Variants in SPPL3 observed in about 807,000 individuals in gnomAD.
The protein encoded by SPPL3 is signal peptide peptidase like 3.
In SPPL3, 5 loss-of-function variants were observed where a neutral mutation model predicts 42.4. That is an observed-to-expected ratio of 0.12 (90% CI 0.06 to 0.25). SPPL3 has a LOEUF of 0.25. Among genes scored for constraint, SPPL3 ranks in the 10% least tolerant of loss-of-function variants. The pLI, the probability that SPPL3 is intolerant of heterozygous loss-of-function variation, is 1.00. For missense variants in SPPL3, 235 were observed against 489.0 expected, an observed-to-expected ratio of 0.48 and a Z score of 4.90; for synonymous variants, 195 against 181.8, an observed-to-expected ratio of 1.07 and a Z score of -0.58.
chr12:120,883,259 C>T (rs571930546), intron 1 of SPPL3, among the ~76,000 whole-genome samples: 1 of 148,024 alleles, frequency 6.8e-6, no homozygotes, highest in East Asian at 2.1e-4. Context: ...GAGCCGAGAT[C>T]GCACCACTGC....
chr12:120,851,842 G>A (rs1473897138), intron 1 of SPPL3, among the ~76,000 whole-genome samples: 2 of 152,106 alleles, frequency 1.3e-5, no homozygotes, highest in African/African-American at 4.8e-5. Context: ...GGGCTCAAGC[G>A]ATCTGCCCGC....
At chr12:120,780,904 C>A (rs1370818491) in intron 6 of SPPL3, among the ~76,000 whole-genome samples, 2 of 152,034 alleles carry the variant, frequency 1.3e-5, no homozygotes, top group African/African-American at 4.8e-5. Flanking sequence ...AAGCGAAACT[C>A]CCTCCCCCAA....
chr12:120,850,622 A>G (rs1024089083), intron 1 of SPPL3, among the ~76,000 whole-genome samples: 2 of 152,290 alleles, frequency 1.3e-5, no homozygotes, highest in Middle Eastern at 3.4e-3. Context: ...TCCCTTTTTA[A>G]ATGTGAGTAA....
intron 1 of SPPL3, among the ~76,000 whole-genome samples, chr12:120,849,931 A>G (rs1257625504): frequency 1.3e-5 from 2 of 152,334 alleles, no homozygotes; most frequent in South Asian, 2.1e-4. Context: ...ACAAGGACTC[A>G]GTAAAAATAA....
At chr12:120,780,144 G>C (rs993884470) in intron 6 of SPPL3, among the ~76,000 whole-genome samples, 5 of 151,244 alleles carry the variant, frequency 3.3e-5, no homozygotes, top group Admixed American at 2.0e-4. Flanking sequence ...GCCCAGGCTG[G>C]TCTTGAACTC....
intron 1 of SPPL3, among the ~76,000 whole-genome samples, chr12:120,824,433 T>C (rs1035980904): frequency 3.9e-5 from 6 of 152,230 alleles, no homozygotes; most frequent in African/African-American, 1.2e-4. Flanking sequence ...GCTTGTGTTC[T>C]TCAGTCGGAT....
chr12:120,812,629 A>T (rs1170871961), intron 1 of SPPL3, among the ~76,000 whole-genome samples: 2 of 152,216 alleles, frequency 1.3e-5, no homozygotes, highest in Non-Finnish European at 2.9e-5. Flanking sequence ...CCAAATTGAA[A>T]GATCAGGTAG....
chr12:120,874,330 G>A (rs763003397), intron 1 of SPPL3, among the ~76,000 whole-genome samples: 2 of 151,586 alleles, frequency 1.3e-5, no homozygotes, highest in Non-Finnish European at 2.9e-5. Context: ...ATGGGTGCCT[G>A]TAGTCCCAGA....
intron 2 of SPPL3, among the ~76,000 whole-genome samples, chr12:120,803,482 T>C (rs541292913): frequency 5.9e-5 from 9 of 152,158 alleles, no homozygotes; most frequent in African/African-American, 1.7e-4. Context: ...GAAAAGCAAA[T>C]TGGAATTTTT....
rs1276382712 is a variant in SPPL3 at position 120,768,214 on chromosome 12, AT to A, written c.773+110del. The A allele has an allele frequency of 1.7e-5, 23 of 1,338,586 alleles. No individual in the cohort carries two copies. The African/African-American group carries it at 3.4e-4, about 20-fold the overall frequency. 82.9% of individuals were successfully genotyped at this position (1,338,586 alleles called of 1,614,324 possible). A position where few individuals can be genotyped will look rare whatever the true frequency, so the allele number is the denominator to read the frequency against. On this transcript the variant is annotated intron_variant, in intron 8 of 10. Coordinates refer to ENST00000353487, the MANE Select transcript of SPPL3 (RefSeq NM_139015.5). ...TCATTTCCTCTTCTGCAGCATGGAG[AT>A]AATGGCCCCAGGTTGGGATCAGAAT...
intron 1 of SPPL3, among the ~76,000 whole-genome samples, chr12:120,823,221 G>A (rs1315337371): frequency 1.2e-5 from 1 of 86,258 alleles, no homozygotes; most frequent in South Asian, 4.1e-4. Flanking sequence ...GGGGTGGGGG[G>A]TGGGGGGGCG....
Position 120,779,820 on chromosome 12 carries a change from C to CAAAAAAA in SPPL3, c.502+2828_502+2834dup, listed in dbSNP as rs1164272443. 1.4e-3 allele frequency among the ~76,000 whole-genome samples: 58 copies of CAAAAAAA among 42,772 alleles called. 5 individuals are homozygous for CAAAAAAA. Among genetic ancestry groups the CAAAAAAA allele is most frequent in the African/African-American group, 3.5e-3 (40 of 11,446 alleles). The allele number at this position is 42,772 out of a possible 152,430, so 28.1% of individuals were successfully genotyped here. A position where few individuals can be genotyped will look rare whatever the true frequency, so the allele number is the denominator to read the frequency against. ...CGAAACCTTGTCTCTACTAAAAATA[C>CAAAAAAA]AAAAAAAAAAAAAAAAAAAAAAAAA... On this transcript the variant is annotated intron_variant, in intron 6 of 10. Coordinates refer to ENST00000353487, the MANE Select transcript of SPPL3 (RefSeq NM_139015.5).
At chr12:120,781,725 GCC>G in intron 6 of SPPL3, among the ~76,000 whole-genome samples, 2 of 150,514 alleles carry the variant, frequency 1.3e-5, no homozygotes, top group Non-Finnish European at 1.5e-5. Context: ...GACTACAGGT[GCC>G]TACCACCACT....
At chr12:120,889,056 T>C (rs1873552279) in intron 1 of SPPL3, among the ~76,000 whole-genome samples, 1 of 151,970 alleles carries the variant, frequency 6.6e-6, no homozygotes, top group South Asian at 2.1e-4. Context: ...TCGGGTGAAC[T>C]GCCCACCTCA....
intron 1 of SPPL3, among the ~76,000 whole-genome samples, chr12:120,871,146 A>AAAAAAAAAAAAAAAAAAAAAAAG (rs1242592629): frequency 6.7e-6 from 1 of 149,756 alleles, no homozygotes; most frequent in Non-Finnish European, 1.5e-5. Context: ...AAAAAAAAAA[A>AAAAAAAAAAAAAAAAAAAAAAAG]AAAGAAAAAG....
intron 1 of SPPL3, among the ~76,000 whole-genome samples, chr12:120,869,746 G>A (rs756776476): frequency 4.6e-5 from 7 of 152,132 alleles, no homozygotes; most frequent in Non-Finnish European, 8.8e-5. Flanking sequence ...TGGATCAACA[G>A]AAAAGTAGTT....
intron 1 of SPPL3, among the ~76,000 whole-genome samples, chr12:120,902,628 G>A (rs542969425): frequency 1.3e-5 from 2 of 152,128 alleles, no homozygotes; most frequent in East Asian, 1.9e-4. Flanking sequence ...GTGGCAAACC[G>A]GACCTCCGAA....
At chr12:120,831,845 C>A (rs1365778466) in intron 1 of SPPL3, among the ~76,000 whole-genome samples, 1 of 152,124 alleles carries the variant, frequency 6.6e-6, no homozygotes, top group Non-Finnish European at 1.5e-5. Context: ...ACCAAAGAAG[C>A]CACTACGAAT....
In SPPL3 at chr12:120,819,489, T is replaced by C. The variant is rs79502635; in HGVS notation, c.24-8603A>G. On this transcript the variant is annotated intron_variant, in intron 1 of 10. Coordinates refer to ENST00000353487, the MANE Select transcript of SPPL3 (RefSeq NM_139015.5). ...TCACTTGAAAGCTCAAATTTTATCA[T>C]TGATAAAAACACTTTTTTTCCCTTT... 3.4e-3 allele frequency among the ~76,000 whole-genome samples: 520 copies of C among 152,354 alleles called. 3 individuals carry two copies. Among genetic ancestry groups the C allele is most frequent in the Middle Eastern group, 0.017 (5 of 294 alleles).
Sources: gnomAD v4.1 joint callset for allele counts (sites outside exome capture counted in the v4.1 genomes callset) on GRCh38, gnomAD v4.1.1 for gene constraint, MANE v1.5 for transcripts, NCBI Gene and HGNC (gene_info 2026-07-23, HGNC 2026-07-21) for gene names.